Variants in ADGRL3 observed in about 807,000 individuals in gnomAD.
The protein encoded by ADGRL3 is adhesion G protein-coupled receptor L3.
In ADGRL3, 62 loss-of-function variants were observed where a neutral mutation model predicts 153.5. The ratio of observed to expected loss-of-function variants is 0.40; its 90% CI spans 0.33 to 0.50. ADGRL3 has a LOEUF of 0.50. Among genes scored for constraint, ADGRL3 ranks in the 20% least tolerant of loss-of-function variants. ADGRL3 has a pLI of 0.47. For synonymous variants in ADGRL3, 710 were observed against 672.5 expected (o/e 1.06, Z -0.86); for missense variants, 1,641 against 1,859.4 (o/e 0.88, Z 2.16).
chr4:61,300,796 C>T (rs1242658099), intron 1 of ADGRL3, among the ~76,000 whole-genome samples: 1 of 145,630 alleles, frequency 6.9e-6, no homozygotes, highest in South Asian at 2.1e-4. Context: ...GACAGAGTCT[C>T]GCTCTGGCAC....
chr4:61,329,394 T>G (rs552051406), intron 1 of ADGRL3, among the ~76,000 whole-genome samples: 1 of 152,174 alleles, frequency 6.6e-6, no homozygotes, highest in Non-Finnish European at 1.5e-5. Context: ...CCATCCTTTG[T>G]CTGAAATCAA....
chr4:61,785,083 T>G (rs1216193149), intron 8 of ADGRL3, among the ~76,000 whole-genome samples: 1 of 152,040 alleles, frequency 6.6e-6, no homozygotes, highest in African/African-American at 2.4e-5. Flanking sequence ...ATCTATAAAT[T>G]GATAGGATTG....
At chr4:61,790,935 G>A (rs1244396813) in intron 8 of ADGRL3, among the ~76,000 whole-genome samples, 1 of 152,086 alleles carries the variant, frequency 6.6e-6, no homozygotes, top group Non-Finnish European at 1.5e-5. Flanking sequence ...CATGAAAATA[G>A]CAGGAGAAAG....
At chr4:61,269,169 G>C (rs1009441468) in intron 1 of ADGRL3, among the ~76,000 whole-genome samples, 1 of 151,660 alleles carries the variant, frequency 6.6e-6, no homozygotes, top group African/African-American at 2.4e-5. Flanking sequence ...TGGCTGGCAG[G>C]TGCAGTGTCT....
At position 61,201,081 on chromosome 4, in the gene ADGRL3, G is replaced by A. The variant is rs909431355; in HGVS notation, c.-924G>A. Among the ~76,000 whole-genome samples, 3 of 152,136 alleles carry A rather than the reference G, an allele frequency of 2.0e-5. No individual in the cohort carries two copies. The highest frequency in any genetic ancestry group is 7.2e-5 in the African/African-American group (3 of 41,434). On this transcript the variant is annotated 5_prime_UTR_variant, in exon 1 of 27. Coordinates refer to ENST00000683033, the MANE Select transcript of ADGRL3 (RefSeq NM_001387552.1). ...ACGAAGAGGAGGACGGTTTGGCGGAGAAGCCACCCCTGGCCCTCGCGGCTC... is the reference window on the plus strand; with the variant it reads ...ACGAAGAGGAGGACGGTTTGGCGGAAAAGCCACCCCTGGCCCTCGCGGCTC...
chr4:61,871,846 C>T (rs1271545629), intron 9 of ADGRL3, among the ~76,000 whole-genome samples: 1 of 152,088 alleles, frequency 6.6e-6, no homozygotes, highest in Non-Finnish European at 1.5e-5. Flanking sequence ...CTTGCTATCC[C>T]CTCTACCTGA....
chr4:61,909,365 C>T (rs887176124), intron 11 of ADGRL3, among the ~76,000 whole-genome samples, 195 bp from the exon 12 acceptor site: 3 of 152,038 alleles, frequency 2.0e-5, no homozygotes, highest in Non-Finnish European at 4.4e-5. Flanking sequence ...TGAAGACATG[C>T]GTTTAAAGTC....
chr4:62,037,477 G>C (rs1157642580), intron 23 of ADGRL3, among the ~76,000 whole-genome samples: 2 of 151,976 alleles, frequency 1.3e-5, no homozygotes, highest in African/African-American at 4.8e-5. Flanking sequence ...ATGATGTGAT[G>C]GGAGGTGTGT....
intron 1 of ADGRL3, among the ~76,000 whole-genome samples, chr4:61,366,346 G>A (rs2151594171): frequency 1.3e-5 from 2 of 152,316 alleles, no homozygotes; most frequent in Middle Eastern, 6.8e-3. Flanking sequence ...AAAGGCACAA[G>A]TGGAGTATAG....
chr4:61,642,915 C>T (rs997200646), intron 5 of ADGRL3, among the ~76,000 whole-genome samples: 1 of 152,190 alleles, frequency 6.6e-6, no homozygotes, highest in African/African-American at 2.4e-5. Context: ...TCTTCCTACC[C>T]ATGAGCATGG....
chr4:61,236,827 G>A (rs578112878), intron 1 of ADGRL3, among the ~76,000 whole-genome samples: 1 of 152,088 alleles, frequency 6.6e-6, no homozygotes, highest in South Asian at 2.1e-4. Flanking sequence ...TTCTCCACGT[G>A]GTATATATCA....
At chr4:61,764,972 A>G (rs988302700) in intron 8 of ADGRL3, among the ~76,000 whole-genome samples, 1 of 151,978 alleles carries the variant, frequency 6.6e-6, no homozygotes, top group Non-Finnish European at 1.5e-5. Flanking sequence ...GAATTGAGAA[A>G]CTAAATGGAA....
In ADGRL3 at chr4:61,202,635, G is replaced by C. The variant is rs1014871947; in HGVS notation, c.-240+870G>C. On this transcript the variant is annotated intron_variant, in intron 1 of 26. Transcript: ENST00000683033. This position sits in a 1 kb window ranked among gnomAD's most constrained non-coding sequence, Gnocchi z 5.0. ...AGGCACCTCGGCGCTTCTCTGAGGA[G>C]AAGGGAAGGCTCCAGGCTGCAGCGC... Among the ~76,000 whole-genome samples, 2 of 152,166 alleles carry C rather than the reference G, an allele frequency of 1.3e-5. No individual in the cohort carries two copies.
At chr4:61,993,999 G>C (rs934362169) in intron 19 of ADGRL3, among the ~76,000 whole-genome samples, 1 of 152,128 alleles carries the variant, frequency 6.6e-6, no homozygotes, top group South Asian at 2.1e-4. Context: ...CAGGTTTATT[G>C]TGTTTACTTT....
In ADGRL3 at chr4:62,078,051, A is replaced by G. The variant is rs954252765; in HGVS notation, c.*7143A>G. The G allele has an allele frequency of 1.3e-5, 2 of 152,038 alleles. No individual in the cohort carries two copies. Among genetic ancestry groups the G allele is most frequent in the Non-Finnish European group, 2.9e-5 (2 of 67,918 alleles). The allele number at this position is 152,038 out of a possible 1,614,324, so 9.4% of individuals were successfully genotyped here. A position where few individuals can be genotyped will look rare whatever the true frequency, so the allele number is the denominator to read the frequency against. On this transcript the variant is annotated 3_prime_UTR_variant, in exon 27 of 27. Transcript: ENST00000683033. ...TCTAATTCAAAATATGTCTTTCTAA[A>G]AAACAATAGTTTATTTTTAAAACTA...
chr4:61,780,208 T>G (rs1023440534), intron 8 of ADGRL3, among the ~76,000 whole-genome samples: 3 of 152,232 alleles, frequency 2.0e-5, no homozygotes, highest in African/African-American at 4.8e-5. Context: ...ACAGAATTAC[T>G]GCCTGTATGG....
At chr4:61,662,872 C>T (rs2094649692) in intron 5 of ADGRL3, among the ~76,000 whole-genome samples, 1 of 152,130 alleles carries the variant, frequency 6.6e-6, no homozygotes, top group Non-Finnish European at 1.5e-5. Context: ...CTGTGGGTCT[C>T]CTCTCTGCTG....
chr4:61,255,958 G>C (rs1377485775), intron 1 of ADGRL3, among the ~76,000 whole-genome samples: 2 of 152,094 alleles, frequency 1.3e-5, no homozygotes, highest in Non-Finnish European at 2.9e-5. Flanking sequence ...ATGTGTCTGC[G>C]TCAGCCTGCA....
intron 1 of ADGRL3, among the ~76,000 whole-genome samples, chr4:61,338,647 G>A (rs1394337611): frequency 6.6e-6 from 1 of 152,010 alleles, no homozygotes; most frequent in Non-Finnish European, 1.5e-5. Flanking sequence ...TTTCCGAATT[G>A]GATGTCCAGG....
Sources: allele counts gnomAD v4.1 joint callset (sites outside exome capture counted in the v4.1 genomes callset), GRCh38; gene constraint gnomAD v4.1.1; non-coding constraint Gnocchi (gnomAD v3.1); transcripts MANE v1.5; gene names NCBI Gene and HGNC (gene_info 2026-07-23, HGNC 2026-07-21).